The following SLC25A21 variants were observed in gnomAD, a reference collection of about 807,000 sequenced individuals.
SLC25A21 encodes solute carrier family 25 member 21.
A neutral mutation model predicts 43.8 loss-of-function variants in SLC25A21; 47 were observed. The observed-to-expected ratio is 1.07, with a 90% CI of 0.85 to 1.37. SLC25A21 has a LOEUF of 1.37. Ranked by LOEUF, SLC25A21 falls within the 40% of genes most tolerant of loss-of-function variation. The pLI, the probability that SLC25A21 is intolerant of heterozygous loss-of-function variation, is 0.00. For synonymous variants in SLC25A21, 131 were observed against 121.3 expected (o/e 1.08, Z -0.52); for missense variants, 352 against 350.2 (o/e 1.00, Z -0.04).
intron 1 of SLC25A21, among the ~76,000 whole-genome samples, chr14:36,920,568 A>G (rs896278935): frequency 6.6e-6 from 1 of 152,068 alleles, no homozygotes; most frequent in Non-Finnish European, 1.5e-5. Flanking sequence ...CATCTCCTTT[A>G]AACATCCCTA....
At chr14:36,892,880 A>T (rs1453344226) in intron 1 of SLC25A21, among the ~76,000 whole-genome samples, 2 of 152,048 alleles carry the variant, frequency 1.3e-5, no homozygotes, top group Non-Finnish European at 2.9e-5. Context: ...ACATGAACTC[A>T]TCCTTTTTTA....
At chr14:36,868,282 C>G (rs1029060094) in intron 2 of SLC25A21, among the ~76,000 whole-genome samples, 2 of 152,126 alleles carry the variant, frequency 1.3e-5, no homozygotes, top group African/African-American at 4.8e-5. Context: ...CACAATTATA[C>G]ACACAGCTCT....
chr14:36,844,182 G>A (rs1159233610), intron 2 of SLC25A21, among the ~76,000 whole-genome samples: 6 of 152,200 alleles, frequency 3.9e-5, no homozygotes, highest in African/African-American at 1.4e-4. Context: ...TCTAATTTAT[G>A]AGCATGCTAA....
chr14:37,138,627 A>G (rs1331861116), intron 1 of SLC25A21, among the ~76,000 whole-genome samples: 2 of 151,950 alleles, frequency 1.3e-5, no homozygotes, highest in Non-Finnish European at 2.9e-5. Flanking sequence ...TCTTTTATCT[A>G]TTTCACTCCA....
At chr14:37,158,365 T>A (rs1297035679) in intron 1 of SLC25A21, among the ~76,000 whole-genome samples, 1 of 151,844 alleles carries the variant, frequency 6.6e-6, no homozygotes, top group African/African-American at 2.4e-5. Context: ...CAGCAGCACA[T>A]CAAAAAGATA....
intron 5 of SLC25A21, among the ~76,000 whole-genome samples, chr14:36,726,279 A>T (rs557123622): frequency 6.6e-6 from 1 of 152,308 alleles, no homozygotes; most frequent in South Asian, 2.1e-4. Flanking sequence ...TAAACCTAAA[A>T]GCTGAGATCA....
intron 3 of SLC25A21, among the ~76,000 whole-genome samples, chr14:36,798,172 C>A (rs1887738721): frequency 6.6e-6 from 1 of 152,098 alleles, no homozygotes; most frequent in Non-Finnish European, 1.5e-5. Flanking sequence ...TTCAGGTAAG[C>A]CAGACCCCTA....
At position 37,092,097 on chromosome 14, in the gene SLC25A21, A is replaced by G. The variant is rs147383752; in HGVS notation, c.70+80184T>C. Among the ~76,000 whole-genome samples, 392 of 152,266 alleles carry G rather than the reference A, an allele frequency of 2.6e-3. 1 individual carries two copies. The highest frequency in any genetic ancestry group is 9.2e-3 in the African/African-American group (384 of 41,562). ...AGCCAAGATCGTGCCATTGTACTCC[A>G]GCCTGGGTGACAGAACAAGACCCTG... On this transcript the variant is annotated intron_variant, in intron 1 of 9. Coordinates refer to ENST00000331299, the MANE Select transcript of SLC25A21 (RefSeq NM_030631.4).
intron 1 of SLC25A21, among the ~76,000 whole-genome samples, chr14:37,048,896 G>T (rs1354511349): frequency 6.6e-6 from 1 of 152,092 alleles, no homozygotes; most frequent in Non-Finnish European, 1.5e-5. Flanking sequence ...GCCAAAGCAG[G>T]CTTAACTTCA....
At position 36,697,738 on chromosome 14, in the gene SLC25A21, CT is replaced by C. The variant is rs757711209; in HGVS notation, c.604-12814del. On this transcript the variant is annotated intron_variant, in intron 7 of 9. Coordinates refer to ENST00000331299, the MANE Select transcript of SLC25A21 (RefSeq NM_030631.4). Reference sequence around the variant, plus strand: ...TCTGAGACTAGGATTGCAAGCCCTACTTTTTTTTTTTGCTTTCCATTTGCTT... The same window carrying C: ...TCTGAGACTAGGATTGCAAGCCCTACTTTTTTTTTTGCTTTCCATTTGCTT... Among the ~76,000 whole-genome samples, 82 of 111,420 alleles carry C rather than the reference CT, an allele frequency of 7.4e-4. 1 individual carries two copies. The highest frequency in any genetic ancestry group is 6.6e-4 in the Admixed American group (7 of 10,578). The allele number at this position is 111,420 out of a possible 152,430, so 73.1% of individuals were successfully genotyped here.
At chr14:37,008,719 C>T (rs17178171) in intron 1 of SLC25A21, among the ~76,000 whole-genome samples, 3,653 of 152,190 alleles carry the variant, frequency 0.024, 71 homozygotes, top group East Asian at 0.091. Flanking sequence ...AAGGGAGAGA[C>T]GCTTTGATTA....
intron 1 of SLC25A21, among the ~76,000 whole-genome samples, chr14:37,107,395 C>A (rs1340644321): frequency 6.6e-6 from 1 of 151,988 alleles, no homozygotes; most frequent in Non-Finnish European, 1.5e-5. Context: ...GTTGCCCGCA[C>A]TGGTCTCAAA....
chr14:36,884,918 T>G (rs1345051343), intron 1 of SLC25A21, among the ~76,000 whole-genome samples: 1 of 150,746 alleles, frequency 6.6e-6, no homozygotes, highest in Non-Finnish European at 1.5e-5. Context: ...AACCCATGGG[T>G]TGTCTATTCA....
intron 7 of SLC25A21, among the ~76,000 whole-genome samples, chr14:36,688,422 C>G (rs1199470567): frequency 1.3e-5 from 2 of 152,210 alleles, no homozygotes; most frequent in African/African-American, 4.8e-5. Context: ...ACCTGTTTTG[C>G]AGAGTACACT....
chr14:37,018,602 T>C (rs1960914565), intron 1 of SLC25A21, among the ~76,000 whole-genome samples: 1 of 152,012 alleles, frequency 6.6e-6, no homozygotes, highest in South Asian at 2.1e-4. Context: ...TCCATTGTCA[T>C]TACCCTTGTC....
intron 1 of SLC25A21, among the ~76,000 whole-genome samples, chr14:36,928,826 T>C (rs1471741116): frequency 6.6e-6 from 1 of 152,156 alleles, no homozygotes; most frequent in Non-Finnish European, 1.5e-5. Context: ...ATGTGAACAG[T>C]TTGCCTACTT....
At chr14:36,810,962 T>C in intron 3 of SLC25A21, among the ~76,000 whole-genome samples, 1 of 37,068 alleles carries the variant, frequency 2.7e-5, no homozygotes, top group South Asian at 8.7e-4. Flanking sequence ...GAAAAGAGGG[T>C]CAGGGAGGGT....
chr14:36,727,304 T>C (rs1246520607), intron 5 of SLC25A21, among the ~76,000 whole-genome samples: 1 of 152,236 alleles, frequency 6.6e-6, no homozygotes, highest in Non-Finnish European at 1.5e-5. Flanking sequence ...CTAATTTCCC[T>C]GCTTATAAAG....
rs61239254 is a variant in SLC25A21 at position 37,147,844 on chromosome 14, C to CTTTTTT, written c.70+24431_70+24436dup. Reference sequence around the variant, plus strand: ...ATTTCCTTTTTCTTTTTTTTCTTTTCTTTTTTTTTTTTTTGAGACAGAGTC... The same window carrying CTTTTTT: ...ATTTCCTTTTTCTTTTTTTTCTTTTCTTTTTTTTTTTTTTTTTTTTGAGACAGAGTC... On this transcript the variant is annotated intron_variant, in intron 1 of 9. Coordinates refer to ENST00000331299, the MANE Select transcript of SLC25A21 (RefSeq NM_030631.4). Among the ~76,000 whole-genome samples, 65 of 126,244 alleles carry CTTTTTT rather than the reference C, an allele frequency of 5.1e-4. 5 individuals carry two copies. The highest frequency in any genetic ancestry group is 9.9e-4 in the South Asian group (4 of 4,044). The allele number at this position is 126,244 out of a possible 152,430, so 82.8% of individuals were successfully genotyped here.
Sources: gnomAD v4.1 joint callset for allele counts (sites outside exome capture counted in the v4.1 genomes callset) on GRCh38, gnomAD v4.1.1 for gene constraint, MANE v1.5 for transcripts, NCBI Gene and HGNC (gene_info 2026-07-23, HGNC 2026-07-21) for gene names.